The following RIT2 variants were observed in gnomAD, a reference collection of about 807,000 sequenced individuals.
The protein encoded by RIT2 is GTP-binding protein Rit2.
In RIT2, 24 loss-of-function variants were observed where a neutral mutation model predicts 23.7. The observed-to-expected ratio is 1.01, with a 90% CI of 0.73 to 1.43. The LOEUF is 1.43. Among genes scored for constraint, RIT2 ranks in the 40% most tolerant of loss-of-function variants. The pLI, the probability that RIT2 is intolerant of heterozygous loss-of-function variation, is 0.00. For synonymous variants in RIT2, 107 were observed against 91.1 expected, an observed-to-expected ratio of 1.17 and a Z score of -0.99; for missense variants, 236 against 266.9, an observed-to-expected ratio of 0.88 and a Z score of 0.81.
intron 1 of RIT2, among the ~76,000 whole-genome samples, chr18:43,090,613 A>G (rs1463158546): frequency 6.6e-6 from 1 of 152,026 alleles, no homozygotes; most frequent in Non-Finnish European, 1.5e-5. Flanking sequence ...AAACATATCA[A>G]TCTAAATGTC....
chr18:43,091,318 G>T (rs1314324851), intron 1 of RIT2, among the ~76,000 whole-genome samples: 1 of 151,988 alleles, frequency 6.6e-6, no homozygotes, highest in Non-Finnish European at 1.5e-5. Flanking sequence ...GACAACAAAT[G>T]GCAATCTTAA....
intron 4 of RIT2, among the ~76,000 whole-genome samples, chr18:42,765,080 T>A (rs962286384): frequency 2.0e-5 from 3 of 152,214 alleles, no homozygotes; most frequent in Non-Finnish European, 4.4e-5. Context: ...TTTACCATGT[T>A]TCTGTAGCTG....
intron 1 of RIT2, among the ~76,000 whole-genome samples, chr18:43,075,509 C>T (rs1435786284): frequency 6.6e-6 from 1 of 152,084 alleles, no homozygotes. Flanking sequence ...ACTAAGCATA[C>T]TCAATGCATA....
intron 1 of RIT2, among the ~76,000 whole-genome samples, chr18:43,110,689 T>G (rs553340172): frequency 6.3e-4 from 96 of 152,250 alleles, no homozygotes; most frequent in African/African-American, 2.2e-3. Flanking sequence ...TAATTTGTCT[T>G]TTTTGTTGTT....
chr18:42,809,012 T>C (rs1175082001), intron 4 of RIT2, among the ~76,000 whole-genome samples: 2 of 152,140 alleles, frequency 1.3e-5, no homozygotes, highest in African/African-American at 4.8e-5. Flanking sequence ...GGTGAAATTT[T>C]GGATTCAAAC....
At chr18:43,063,176 G>T (rs906616800) in intron 1 of RIT2, among the ~76,000 whole-genome samples, 3 of 152,134 alleles carry the variant, frequency 2.0e-5, no homozygotes, top group African/African-American at 7.2e-5. Context: ...GTAAAAAAGA[G>T]ATAATACATC....
At chr18:42,943,929 T>C (rs1488450366) in intron 3 of RIT2, among the ~76,000 whole-genome samples, 1 of 152,180 alleles carries the variant, frequency 6.6e-6, no homozygotes, top group Non-Finnish European at 1.5e-5. Flanking sequence ...CAACTACTTT[T>C]TTCTTTCAGA....
intron 3 of RIT2, among the ~76,000 whole-genome samples, chr18:42,951,449 A>C (rs2144173181): frequency 6.6e-6 from 1 of 152,098 alleles, no homozygotes; most frequent in South Asian, 2.1e-4. Context: ...GAGAGGGGAA[A>C]GCATTGAAAA....
rs185643470 is a variant in RIT2 at position 42,993,237 on chromosome 18, T to C, written c.161-19090A>G. On this transcript the variant is annotated intron_variant, in intron 2 of 4. Coordinates refer to ENST00000326695, the MANE Select transcript of RIT2 (RefSeq NM_002930.4). ...ACGTCCTGTCTATGTGGGACCCCAC[T>C]GAAAGTTGGACTGTTCAACTCACCT... Among the ~76,000 whole-genome samples, 234 of 152,302 alleles carry C rather than the reference T, an allele frequency of 1.5e-3. 7 individuals carry two copies. Among genetic ancestry groups the C allele is most frequent in the Admixed American group, 0.015 (231 of 15,302 alleles).
intron 4 of RIT2, among the ~76,000 whole-genome samples, chr18:42,877,251 G>A (rs983787280): frequency 2.6e-5 from 4 of 151,846 alleles, no homozygotes; most frequent in African/African-American, 9.6e-5. Flanking sequence ...TAAGTATTCA[G>A]TTATGTTTTG....
In RIT2 at chr18:42,743,704, CCTT is replaced by C. The variant is rs755285634; in HGVS notation, c.440_442del (p.Glu147del). The C allele has an allele frequency of 3.1e-6, 5 of 1,611,660 alleles. No individual in the cohort carries two copies. In the African/African-American group the frequency reaches 5.3e-5, roughly 17 times the overall value. On this transcript the variant is annotated inframe_deletion, in exon 5 of 5. Coordinates refer to ENST00000326695, the MANE Select transcript of RIT2 (RefSeq NM_002930.4). ...ATTATATTCTTGGGCAAGACTCAAG[CCTT>C]CTTCTGTAGAAACCTAAGGAAAAAA... is the stretch of plus-strand genomic sequence containing the variant.
At chr18:42,937,956 T>C (rs1033300634) in intron 3 of RIT2, among the ~76,000 whole-genome samples, 9 of 152,172 alleles carry the variant, frequency 5.9e-5, no homozygotes, top group Non-Finnish European at 8.8e-5. Context: ...TCTCTCCCTC[T>C]GACTGAGGAC....
intron 4 of RIT2, among the ~76,000 whole-genome samples, chr18:42,818,091 T>C (rs1008187768): frequency 6.6e-6 from 1 of 152,034 alleles, no homozygotes; most frequent in Admixed American, 6.6e-5. Context: ...TAATCATGTC[T>C]ACTAATAAAA....
chr18:42,780,575 A>G (rs1397696515), intron 4 of RIT2, among the ~76,000 whole-genome samples: 1 of 152,190 alleles, frequency 6.6e-6, no homozygotes, highest in Non-Finnish European at 1.5e-5. Context: ...CATATGTCAA[A>G]GAAACATATT....
chr18:42,906,133 TACCAATTTTAAATA>T (rs1908615363), intron 4 of RIT2, among the ~76,000 whole-genome samples: 1 of 151,458 alleles, frequency 6.6e-6, no homozygotes, highest in African/African-American at 2.4e-5. Context: ...CAATATTGAA[TACCAATTTTAAATA>T]GGCAGGGGAG....
intron 2 of RIT2, among the ~76,000 whole-genome samples, chr18:42,974,814 CA>C (rs1386725752): frequency 6.6e-6 from 1 of 151,870 alleles, no homozygotes; most frequent in African/African-American, 2.4e-5. Flanking sequence ...ATAATGGCAT[CA>C]AAATTAATGA....
At chr18:43,065,595 A>T (rs905944814) in intron 1 of RIT2, among the ~76,000 whole-genome samples, 3 of 152,102 alleles carry the variant, frequency 2.0e-5, no homozygotes, top group Admixed American at 6.5e-5. Context: ...CAGTAATCAA[A>T]GTGTTTTATC....
intron 3 of RIT2, among the ~76,000 whole-genome samples, chr18:42,928,230 C>T (rs1388592362): frequency 6.6e-6 from 1 of 151,952 alleles, no homozygotes; most frequent in Non-Finnish European, 1.5e-5. Context: ...TATATCTGAA[C>T]TTGTCTGGGT....
chr18:43,077,358 C>T (rs1020074941), intron 1 of RIT2, among the ~76,000 whole-genome samples: 3 of 152,078 alleles, frequency 2.0e-5, no homozygotes, highest in Admixed American at 2.0e-4. Flanking sequence ...CATTCAAACT[C>T]CCAACTGGGG....
Sources: gnomAD v4.1 joint callset for allele counts (sites outside exome capture counted in the v4.1 genomes callset) on GRCh38, gnomAD v4.1.1 for gene constraint, MANE v1.5 for transcripts, NCBI Gene and HGNC (gene_info 2026-07-23, HGNC 2026-07-21) for gene names.